The following EYA1 variants were observed in gnomAD, a reference collection of about 807,000 sequenced individuals.
EYA1 encodes protein phosphatase EYA1.
In EYA1, 16 loss-of-function variants were observed where a neutral mutation model predicts 82.0. The ratio of observed to expected loss-of-function variants is 0.20; its 90% confidence interval spans 0.13 to 0.30. EYA1 has a LOEUF of 0.30. EYA1 is among the 10% of genes least tolerant of loss of function. The probability of loss-of-function intolerance (pLI) is 1.00; values close to 1 mark genes in which losing one functional copy is unlikely to be tolerated. For missense variants in EYA1, 633 were observed against 730.7 expected, an observed-to-expected ratio of 0.87 and a Z score of 1.54; for synonymous variants, 261 against 264.4, an observed-to-expected ratio of 0.99 and a Z score of 0.12.
At chr8:71,431,017 A>G (rs1348815224) in intron 2 of EYA1, among the ~76,000 whole-genome samples, 1 of 152,156 alleles carries the variant, frequency 6.6e-6, no homozygotes, top group African/African-American at 2.4e-5. Flanking sequence ...TTTCTAGGAT[A>G]TAAGAGGGAT....
At position 71,398,062 on chromosome 8, in the gene EYA1, G is replaced by T. The variant is rs149375849; in HGVS notation, c.34-41551C>A. Among the ~76,000 whole-genome samples the T allele has an allele frequency of 3.6e-3, 548 of 152,100 alleles. 4 individuals are homozygous for T. The highest frequency in any genetic ancestry group is 0.012 in the African/African-American group (515 of 41,480). The stretch of plus-strand genomic sequence containing the variant: ...TTTGGTTTTCAATCACTGACACCCT[G>T]TCTTCCACTTGATCAAATCTTGTAC... On this transcript the variant is annotated intron_variant, in intron 2 of 18. Transcript: ENST00000643681.
intron 16 of EYA1, among the ~76,000 whole-genome samples, chr8:71,212,547 CA>C (rs887336293): frequency 7.8e-4 from 119 of 152,116 alleles, no homozygotes; most frequent in African/African-American, 2.6e-3. Context: ...TTGTGGTAGA[CA>C]AAAAAAATCC....
At chr8:71,225,822 AAC>A (rs775155084) in intron 12 of EYA1, among the ~76,000 whole-genome samples, 16 of 152,188 alleles carry the variant, frequency 1.1e-4, no homozygotes, top group Non-Finnish European at 2.1e-4. Context: ...TACAAACAAA[AAC>A]AGTGTCTTAA....
At chr8:71,269,437 T>C (rs762361591) in intron 11 of EYA1, among the ~76,000 whole-genome samples, 7 of 152,358 alleles carry the variant, frequency 4.6e-5, no homozygotes, top group African/African-American at 1.2e-4. Context: ...AACATCTTTC[T>C]ATGTCACTTA....
At chr8:71,422,672 T>A (rs13268856) in intron 2 of EYA1, among the ~76,000 whole-genome samples, 2 of 151,964 alleles carry the variant, frequency 1.3e-5, no homozygotes, top group African/African-American at 2.4e-5. Flanking sequence ...TTTGCAATTA[T>A]GGCAGAAGGG....
intron 2 of EYA1, among the ~76,000 whole-genome samples, chr8:71,427,978 CAAAA>C (rs66707741): frequency 7.1e-6 from 1 of 140,326 alleles, no homozygotes; most frequent in African/African-American, 2.6e-5. Context: ...GACCTTGTCT[CAAAA>C]AAAAAAAAAA....
intron 12 of EYA1, among the ~76,000 whole-genome samples, chr8:71,235,266 G>A (rs561394285): frequency 2.7e-5 from 4 of 145,560 alleles, no homozygotes; most frequent in South Asian, 2.1e-4. Flanking sequence ...CAATGGCTTC[G>A]CACTGCAATT....
intron 7 of EYA1, among the ~76,000 whole-genome samples, chr8:71,310,188 G>C (rs959321255): frequency 1.3e-5 from 2 of 152,114 alleles, no homozygotes; most frequent in Non-Finnish European, 2.9e-5. Flanking sequence ...CTCTATCTAC[G>C]AGTATTAACA....
chr8:71,432,655 C>A (rs376538173), intron 2 of EYA1, among the ~76,000 whole-genome samples: 5 of 152,122 alleles, frequency 3.3e-5, no homozygotes, highest in Admixed American at 1.3e-4. Flanking sequence ...TCAGGACTTA[C>A]CCACATGACC....
intron 4 of EYA1, among the ~76,000 whole-genome samples, chr8:71,333,235 T>C (rs1352584104): frequency 1.3e-5 from 2 of 152,222 alleles, no homozygotes; most frequent in Non-Finnish European, 2.9e-5. Context: ...TTTCACCTGG[T>C]ATCATTAGTA....
At chr8:71,444,603 A>G (rs527318616) in intron 2 of EYA1, among the ~76,000 whole-genome samples, 1 of 152,350 alleles carries the variant, frequency 6.6e-6, no homozygotes, top group African/African-American at 2.4e-5. Context: ...ATGATTTGGT[A>G]CCAGGATGAG....
chr8:71,364,493 G>A (rs567842228), upstream of EYA1, among the ~76,000 whole-genome samples: 2 of 152,122 alleles, frequency 1.3e-5, no homozygotes, highest in Non-Finnish European at 2.9e-5. Context: ...ACTATAGTAT[G>A]TAACGTAACC....
chr8:71,465,435 C>T (rs1269989314), intron 2 of EYA1, among the ~76,000 whole-genome samples: 4 of 152,004 alleles, frequency 2.6e-5, no homozygotes, highest in Non-Finnish European at 1.5e-5. Flanking sequence ...CTAGCCTGGC[C>T]AACATGGTGA....
chr8:71,457,504 A>T (rs987076101), intron 2 of EYA1, among the ~76,000 whole-genome samples: 6 of 152,214 alleles, frequency 3.9e-5, no homozygotes, highest in African/African-American at 1.4e-4. Context: ...AAGACTTGGA[A>T]CCAACCCAAA....
chr8:71,339,739 A>G (rs1824911070), intron 3 of EYA1, among the ~76,000 whole-genome samples: 1 of 152,222 alleles, frequency 6.6e-6, no homozygotes. Flanking sequence ...CCAATTGCCC[A>G]GTTCAAACTC....
At chr8:71,462,980 T>C (rs554833296) in intron 2 of EYA1, among the ~76,000 whole-genome samples, 6 of 152,338 alleles carry the variant, frequency 3.9e-5, no homozygotes, top group African/African-American at 1.4e-4. Context: ...TTTTAAAAAG[T>C]AACAAAGATG....
intron 2 of EYA1, among the ~76,000 whole-genome samples, chr8:71,396,231 TC>T (rs1212707465): frequency 6.6e-6 from 1 of 152,152 alleles, no homozygotes; most frequent in African/African-American, 2.4e-5. Flanking sequence ...GTTGATCTTT[TC>T]AAAAAACCAG....
rs139926684 is a variant in EYA1 at position 71,336,508 on chromosome 8, T to C, written c.125-2334A>G. On this transcript the variant is annotated intron_variant, in intron 3 of 17. Transcript: ENST00000340726. ...TAGATGCAACTACTTTGTGAATGCT[T>C]GACTACACCAAAACCACTCCTGTTT... is the stretch of plus-strand genomic sequence containing the variant. Among the ~76,000 whole-genome samples the C allele has an allele frequency of 3.7e-3, 567 of 152,344 alleles. 3 individuals are homozygous for C. Among genetic ancestry groups the C allele is most frequent in the Middle Eastern group, 0.017 (5 of 294 alleles).
At chr8:71,361,257 T>G (rs1024439947) in intron 1 of EYA1, among the ~76,000 whole-genome samples, 8 of 152,242 alleles carry the variant, frequency 5.3e-5, no homozygotes, top group African/African-American at 1.9e-4. Flanking sequence ...TGAACATATA[T>G]GTACCGCTTT....
Sources: allele counts gnomAD v4.1 joint callset (sites outside exome capture counted in the v4.1 genomes callset), GRCh38; gene constraint gnomAD v4.1.1; transcripts MANE v1.5; gene names NCBI Gene and HGNC (gene_info 2026-07-23, HGNC 2026-07-21).